DNER: variants seen among roughly 807,000 people sequenced by gnomAD.
DNER encodes the protein delta and Notch-like epidermal growth factor-related receptor.
A neutral mutation model predicts 78.2 loss-of-function variants in DNER; 33 were observed. That is an observed-to-expected ratio of 0.42 (90% confidence interval 0.32 to 0.56). The LOEUF (loss-of-function observed/expected upper bound fraction) is 0.56. Ranked by LOEUF, DNER falls within the 20% of genes least tolerant of loss-of-function variation. The probability of loss-of-function intolerance (pLI) is 0.11; values close to 1 mark genes in which losing one functional copy is unlikely to be tolerated. For synonymous variants in DNER, 417 were observed against 384.8 expected (o/e 1.08, Z -0.98); for missense variants, 918 against 975.3 (o/e 0.94, Z 0.78).
chr2:229,472,928 C>T (rs1362489673), intron 7 of DNER, among the ~76,000 whole-genome samples: 2 of 152,074 alleles, frequency 1.3e-5, no homozygotes, highest in African/African-American at 2.4e-5. Flanking sequence ...CCTGAAGGAG[C>T]GCAGCTATGA....
intron 1 of DNER, among the ~76,000 whole-genome samples, chr2:229,683,759 G>T (rs1005736529): frequency 6.6e-6 from 1 of 151,982 alleles, no homozygotes; most frequent in African/African-American, 2.4e-5. Flanking sequence ...TACCTCAATG[G>T]CCATAGGGTG....
At chr2:229,466,881 G>T (rs547907143) in intron 7 of DNER, among the ~76,000 whole-genome samples, 2 of 152,268 alleles carry the variant, frequency 1.3e-5, no homozygotes, top group African/African-American at 4.8e-5. Context: ...TTAATAAAGT[G>T]ACCTCAAAGA....
At chr2:229,600,207 T>G (rs1026273576) in intron 1 of DNER, among the ~76,000 whole-genome samples, 6 of 152,218 alleles carry the variant, frequency 3.9e-5, no homozygotes, top group African/African-American at 1.4e-4. Flanking sequence ...TTGTTTTTTG[T>G]AAATAAAGCT....
At chr2:229,368,194 C>T (rs528542356) in intron 11 of DNER, among the ~76,000 whole-genome samples, 1 of 152,220 alleles carries the variant, frequency 6.6e-6, no homozygotes, top group African/African-American at 2.4e-5. Flanking sequence ...AAAACCGTTT[C>T]TCTACAAAAA....
chr2:229,509,276 T>C (rs1695814261), intron 6 of DNER, among the ~76,000 whole-genome samples: 1 of 152,242 alleles, frequency 6.6e-6, no homozygotes, highest in South Asian at 2.1e-4. Context: ...CAGCCAGCTC[T>C]GATTGAGACT....
intron 1 of DNER, among the ~76,000 whole-genome samples, chr2:229,628,431 C>T (rs192445672): frequency 6.6e-6 from 1 of 152,090 alleles, no homozygotes; most frequent in Non-Finnish European, 1.5e-5. Flanking sequence ...TAATTTGTTA[C>T]ACAGAAATAG....
intron 1 of DNER, among the ~76,000 whole-genome samples, chr2:229,667,573 G>A (rs998132914): frequency 2.0e-5 from 3 of 152,070 alleles, no homozygotes; most frequent in Admixed American, 6.6e-5. Context: ...TGTTTCTTTG[G>A]TTTTTTGTTT....
chr2:229,531,046 A>C (rs115947069), intron 5 of DNER, among the ~76,000 whole-genome samples: 1,847 of 152,252 alleles, frequency 0.012, 41 homozygotes, highest in African/African-American at 0.042. Flanking sequence ...ATATTAGGGT[A>C]CCATCTTCTC....
chr2:229,512,994 G>A, intron 5 of DNER, 58 bp from the exon 6 acceptor site: 1 of 1,533,692 alleles, frequency 6.5e-7, no homozygotes, highest in Non-Finnish European at 8.8e-7. Flanking sequence ...AGTGTGCTTT[G>A]GCTGTGAGAC....
chr2:229,444,668 A>G (rs536405535), intron 8 of DNER, among the ~76,000 whole-genome samples: 19 of 152,252 alleles, frequency 1.2e-4, no homozygotes, highest in African/African-American at 4.6e-4. Context: ...GCAGGCAGAT[A>G]ACCTGAGGTC....
intron 1 of DNER, among the ~76,000 whole-genome samples, chr2:229,675,776 A>C (rs1354243848): frequency 6.6e-6 from 1 of 152,194 alleles, no homozygotes; most frequent in Non-Finnish European, 1.5e-5. Context: ...GGTGGAAACC[A>C]GACCCAGCTC....
chr2:229,474,350 CCA>C (rs968850785), intron 7 of DNER, among the ~76,000 whole-genome samples: 1 of 152,224 alleles, frequency 6.6e-6, no homozygotes, highest in Non-Finnish European at 1.5e-5. Flanking sequence ...TAAGAGGCTG[CCA>C]CACATTCCAG....
At chr2:229,546,807 A>G in intron 5 of DNER, 140 bp downstream of exon 5, 2 of 1,149,856 alleles carry the variant, frequency 1.7e-6, no homozygotes, top group Non-Finnish European at 2.4e-6. Flanking sequence ...ATAGATAGAC[A>G]GACAGACAGA....
chr2:229,704,538 T>A (rs949078179), intron 1 of DNER, among the ~76,000 whole-genome samples: 4 of 152,222 alleles, frequency 2.6e-5, no homozygotes, highest in African/African-American at 4.8e-5. Context: ...AAACAATTGA[T>A]ACATGAAACG....
At chr2:229,524,609 T>C (rs902833824) in intron 5 of DNER, among the ~76,000 whole-genome samples, 26 of 152,166 alleles carry the variant, frequency 1.7e-4, no homozygotes, top group African/African-American at 5.8e-4. Flanking sequence ...AGATTAGAAA[T>C]TGGGCTGGGG....
At chr2:229,584,405 T>C (rs1697459427) in intron 4 of DNER, among the ~76,000 whole-genome samples, 2 of 152,108 alleles carry the variant, frequency 1.3e-5, no homozygotes, top group Admixed American at 1.3e-4. Context: ...GCTCAGGCCT[T>C]TGAATTGAGC....
chr2:229,496,285 T>A (rs1034883337), intron 6 of DNER, among the ~76,000 whole-genome samples: 7 of 152,208 alleles, frequency 4.6e-5, no homozygotes, highest in African/African-American at 1.7e-4. Flanking sequence ...AAACAGAAAC[T>A]TTACTGATCA....
chr2:229,391,655 C>T (rs1045986987), intron 10 of DNER, among the ~76,000 whole-genome samples: 7 of 152,202 alleles, frequency 4.6e-5, no homozygotes, highest in African/African-American at 1.4e-4. Context: ...GATTCTCCTG[C>T]CTCAGCCTCC....
intron 4 of DNER, among the ~76,000 whole-genome samples, chr2:229,568,421 G>T (rs896439110): frequency 1.3e-5 from 2 of 152,168 alleles, no homozygotes; most frequent in African/African-American, 4.8e-5. Context: ...ATAGGAGAGA[G>T]ACCTGACTCC....
Sources: gnomAD v4.1 joint callset for allele counts (sites outside exome capture counted in the v4.1 genomes callset) on GRCh38, gnomAD v4.1.1 for gene constraint, MANE v1.5 for transcripts, NCBI Gene and HGNC (gene_info 2026-07-23, HGNC 2026-07-21) for gene names.